The following TYW1 variants were observed in gnomAD, a reference collection of about 807,000 sequenced individuals.
TYW1 encodes the protein tRNA-yW synthesizing protein 1 homolog.
TYW1 carries 46 observed loss-of-function variants against 96.2 expected under a neutral mutation model. That is an observed-to-expected ratio of 0.48 (90% CI 0.38 to 0.61). TYW1 has a LOEUF of 0.61. Among genes scored for constraint, TYW1 ranks in the 20% least tolerant of loss-of-function variants. The pLI, the probability that TYW1 is intolerant of heterozygous loss-of-function variation, is 0.00. For missense variants in TYW1, 684 were observed against 909.6 expected (o/e 0.75, Z 3.19); for synonymous variants, 274 against 323.0 (o/e 0.85, Z 1.63).
intron 13 of TYW1, among the ~76,000 whole-genome samples, chr7:67,132,680 CA>C (rs1798121046): frequency 6.6e-6 from 1 of 150,966 alleles, no homozygotes; most frequent in Non-Finnish European, 1.5e-5. Flanking sequence ...TTCTTTCCCC[CA>C]AACTATGAAA....
intron 8 of TYW1, among the ~76,000 whole-genome samples, chr7:67,052,758 G>A (rs190825693): frequency 4.4e-4 from 67 of 152,156 alleles, no homozygotes; most frequent in African/African-American, 1.5e-3. Context: ...TTGAGACGGA[G>A]TCTCACTCTG....
chr7:67,063,541 T>G (rs141139457), intron 9 of TYW1, among the ~76,000 whole-genome samples: 1 of 139,196 alleles, frequency 7.2e-6, no homozygotes, highest in Admixed American at 7.1e-5. Context: ...ACAAATAAAT[T>G]TCCTAGAACC....
intron 14 of TYW1, among the ~76,000 whole-genome samples, chr7:67,185,726 G>T (rs1274225899): frequency 1.3e-5 from 2 of 152,144 alleles, no homozygotes; most frequent in Admixed American, 1.3e-4. Flanking sequence ...CGAAGTTTCA[G>T]GGGTAAGATA....
intron 8 of TYW1, among the ~76,000 whole-genome samples, chr7:67,052,224 A>T (rs1380021522): frequency 2.0e-5 from 3 of 151,944 alleles, no homozygotes; most frequent in Non-Finnish European, 2.9e-5. Context: ...TTTGGCCATT[A>T]TTTCTTCAAA....
At chr7:67,014,768 G>A (rs570556851) in intron 5 of TYW1, among the ~76,000 whole-genome samples, 2 of 152,112 alleles carry the variant, frequency 1.3e-5, no homozygotes, top group Admixed American at 6.6e-5. Flanking sequence ...TTGCTCTGTC[G>A]CCCAGGCTGG....
At chr7:67,003,486 A>C (rs908609738) in intron 3 of TYW1, among the ~76,000 whole-genome samples, 2 of 151,526 alleles carry the variant, frequency 1.3e-5, no homozygotes, top group Non-Finnish European at 2.9e-5. Context: ...CGTACATTGC[A>C]ATGGGGATAC....
At chr7:67,191,376 T>A (rs1387820631) in intron 14 of TYW1, among the ~76,000 whole-genome samples, 1 of 152,174 alleles carries the variant, frequency 6.6e-6, no homozygotes, top group East Asian at 1.9e-4. Flanking sequence ...GATGCATAAA[T>A]GATCCTGTTC....
chr7:67,117,585 A>G lies in TYW1; in HGVS notation c.1665A>G (p.Arg555=). 1 of 1,613,714 alleles carries G rather than the reference A, an allele frequency of 6.2e-7. No homozygotes were observed. Among genetic ancestry groups the G allele is most frequent in the East Asian group, 2.2e-5 (1 of 44,874 alleles). Residue 555 remains arginine (R), a synonymous_variant, in exon 13 of 16, where the codon AGA becomes AGG. Coordinates refer to ENST00000359626, the MANE Select transcript of TYW1 (RefSeq NM_018264.4). The part of the protein sequence containing the change: ...DRPLFKDFWQ[R]FLDSLKALAV... ...CACTCTTCAAGGATTTCTGGCAGAG[A>G]TTCCTTGACAGTTTAAAAGCCTTGG...
At chr7:66,997,633 A>AC (rs1227345229) in intron 1 of TYW1, among the ~76,000 whole-genome samples, 14 of 53,718 alleles carry the variant, frequency 2.6e-4, no homozygotes, top group South Asian at 7.4e-4. Context: ...GTTGTTCCCC[A>AC]CCCCCCCGCC....
At chr7:67,197,931 G>A (rs535031899) in intron 15 of TYW1, among the ~76,000 whole-genome samples, 2 of 148,590 alleles carry the variant, frequency 1.3e-5, no homozygotes, top group South Asian at 2.2e-4. Context: ...GTTCTCTCTC[G>A]TTCTCTCTCC....
At chr7:67,055,609 AAAAG>A (rs1391871254) in intron 8 of TYW1, among the ~76,000 whole-genome samples, 12 of 151,208 alleles carry the variant, frequency 7.9e-5, no homozygotes, top group East Asian at 4.0e-4. Flanking sequence ...AAAAAAAAAA[AAAAG>A]ATCATTTCTT....
intron 1 of TYW1, among the ~76,000 whole-genome samples, chr7:66,997,775 C>T (rs1490926319): frequency 6.6e-6 from 1 of 151,906 alleles, no homozygotes; most frequent in African/African-American, 2.4e-5. Flanking sequence ...ATTACAGGTG[C>T]GCGCCACCAC....
chr7:67,016,874 C>T (rs1300202311), intron 5 of TYW1, among the ~76,000 whole-genome samples: 1 of 151,740 alleles, frequency 6.6e-6, no homozygotes, highest in African/African-American at 2.4e-5. Context: ...TTCTTCTCAC[C>T]CCGGTCTCCC....
At chr7:67,231,588 C>T (rs1161002692) in intron 15 of TYW1, among the ~76,000 whole-genome samples, 1 of 152,178 alleles carries the variant, frequency 6.6e-6, no homozygotes, top group Non-Finnish European at 1.5e-5. Context: ...ACTATTCCCC[C>T]TTTGAGGTTG....
chr7:67,031,183 ACTCC>A (rs1445952448), intron 7 of TYW1, among the ~76,000 whole-genome samples: 5 of 117,552 alleles, frequency 4.3e-5, no homozygotes, highest in Admixed American at 9.6e-5. Context: ...ACAGAGCGAG[ACTCC>A]ATCTCAAAAA....
intron 15 of TYW1, among the ~76,000 whole-genome samples, chr7:67,206,490 G>A (rs919557594): frequency 2.6e-5 from 4 of 152,064 alleles, no homozygotes; most frequent in Non-Finnish European, 5.9e-5. Context: ...ACTTAGCTGG[G>A]TGTGGTGGCT....
intron 10 of TYW1, among the ~76,000 whole-genome samples, chr7:67,083,083 T>C (rs975631396): frequency 1.3e-5 from 2 of 152,168 alleles, no homozygotes; most frequent in Non-Finnish European, 2.9e-5. Context: ...CTTTATGAAG[T>C]GTCGACGTAG....
intron 15 of TYW1, among the ~76,000 whole-genome samples, chr7:67,217,325 C>T (rs1801229016): frequency 6.6e-6 from 1 of 152,148 alleles, no homozygotes; most frequent in South Asian, 2.1e-4. Context: ...CCCACGAAAT[C>T]ACTGCTATAT....
At chr7:67,021,879 A>G (rs1384875291) in intron 6 of TYW1, among the ~76,000 whole-genome samples, 1 of 152,218 alleles carries the variant, frequency 6.6e-6, no homozygotes, top group African/African-American at 2.4e-5. Context: ...GTCTAGGACA[A>G]GGACCAGCAA....
Sources: allele counts gnomAD v4.1 joint callset (sites outside exome capture counted in the v4.1 genomes callset), GRCh38; gene constraint gnomAD v4.1.1; transcripts MANE v1.5; gene names NCBI Gene and HGNC (gene_info 2026-07-23, HGNC 2026-07-21).